ANKRD30BL: variants seen among roughly 807,000 people sequenced by gnomAD.
The protein encoded by ANKRD30BL is putative ankyrin repeat domain-containing protein 30B-like.
ANKRD30BL carries 20 observed loss-of-function variants against 18.4 expected under a neutral mutation model. The observed-to-expected ratio is 1.09, with a 90% confidence interval of 0.77 to 1.58. The LOEUF is 1.58. ANKRD30BL is among the 40% of genes most tolerant of loss of function. The pLI is 0.00. For missense variants in ANKRD30BL, 224 were observed against 268.6 expected, an observed-to-expected ratio of 0.83 and a Z score of 1.16; for synonymous variants, 72 against 100.9, an observed-to-expected ratio of 0.71 and a Z score of 1.72.
At chr2:132,189,914 G>A (rs10191359) in intron 1 of ANKRD30BL, among the ~76,000 whole-genome samples, 3,497 of 152,132 alleles carry the variant, frequency 0.023, 121 homozygotes, top group African/African-American at 0.08. Context: ...TGTATTATAT[G>A]TTACAATCTT....
intron 1 of ANKRD30BL, among the ~76,000 whole-genome samples, chr2:132,246,791 G>A (rs1429919895): frequency 1.3e-5 from 2 of 151,734 alleles, no homozygotes; most frequent in Non-Finnish European, 2.9e-5. Context: ...GAGGGCTATG[G>A]TGAAAAAGGA....
chr2:132,194,032 TTC>T (rs764528052), intron 1 of ANKRD30BL, among the ~76,000 whole-genome samples: 3,744 of 137,594 alleles, frequency 0.027, 134 homozygotes, highest in African/African-American at 0.089. Context: ...CAGAGATAAT[TTC>T]TCTCTCTCTC....
intron 1 of ANKRD30BL, among the ~76,000 whole-genome samples, chr2:132,228,119 T>C (rs963551123): frequency 1.3e-5 from 2 of 152,100 alleles, no homozygotes; most frequent in Non-Finnish European, 2.9e-5. Flanking sequence ...AGAAGCATTC[T>C]TAGAAACTTT....
intron 1 of ANKRD30BL, among the ~76,000 whole-genome samples, chr2:132,188,189 G>A (rs575057542): frequency 1.1e-4 from 16 of 151,708 alleles, no homozygotes; most frequent in African/African-American, 3.9e-4. Context: ...GAGGCATACT[G>A]TGAGCATCTA....
intron 1 of ANKRD30BL, among the ~76,000 whole-genome samples, chr2:132,226,879 A>G (rs78652228): frequency 6.6e-6 from 1 of 152,180 alleles, no homozygotes; most frequent in Non-Finnish European, 1.5e-5. Flanking sequence ...CATAAAATCT[A>G]GACAGAAGCA....
At chr2:132,151,601 CA>C (rs1687759167) in intron 4 of ANKRD30BL, among the ~76,000 whole-genome samples, 1 of 135,372 alleles carries the variant, frequency 7.4e-6, no homozygotes, top group African/African-American at 2.8e-5. Context: ...CATGTCTCAA[CA>C]AAAATTAAAT....
chr2:132,151,488 G>A (rs1687756025), intron 4 of ANKRD30BL, among the ~76,000 whole-genome samples: 2 of 151,932 alleles, frequency 1.3e-5, no homozygotes, highest in African/African-American at 2.4e-5. Flanking sequence ...ATATTGGCCT[G>A]GTGCAGTGGC....
At chr2:132,184,388 T>C (rs1198235574) in intron 1 of ANKRD30BL, among the ~76,000 whole-genome samples, 1 of 152,230 alleles carries the variant, frequency 6.6e-6, no homozygotes, top group Non-Finnish European at 1.5e-5. Flanking sequence ...GTAAAAGGCT[T>C]TGACTGAAGT....
At chr2:132,231,670 C>T (rs1372323426) in intron 1 of ANKRD30BL, among the ~76,000 whole-genome samples, 1 of 152,208 alleles carries the variant, frequency 6.6e-6, no homozygotes, top group African/African-American at 2.4e-5. Context: ...ATATCCCGCA[C>T]CTGGCTCGGA....
At chr2:132,252,753 G>C (rs74647033) in intron 1 of ANKRD30BL, among the ~76,000 whole-genome samples, 1 of 151,462 alleles carries the variant, frequency 6.6e-6, no homozygotes, top group African/African-American at 2.4e-5. Flanking sequence ...CACCGACGAC[G>C]TGAGACGACG....
At chr2:132,178,628 GTT>G (rs61018774) in intron 1 of ANKRD30BL, among the ~76,000 whole-genome samples, 3 of 150,024 alleles carry the variant, frequency 2.0e-5, no homozygotes, top group South Asian at 2.1e-4. Context: ...ATATTTTTAT[GTT>G]TTTTTTTTGA....
At chr2:132,165,957 G>C (rs1249910437), upstream of ANKRD30BL, among the ~76,000 whole-genome samples, 2 of 152,116 alleles carry the variant, frequency 1.3e-5, no homozygotes, top group Non-Finnish European at 2.9e-5. Flanking sequence ...TAGGGGTTTT[G>C]TAGATGTTCT....
intron 1 of ANKRD30BL, among the ~76,000 whole-genome samples, chr2:132,194,053 TCTCACA>T (rs766897232): frequency 8.3e-5 from 9 of 108,932 alleles, no homozygotes; most frequent in East Asian, 5.0e-4. Context: ...TCTCTCTCTC[TCTCACA>T]CACACACACA....
intron 1 of ANKRD30BL, among the ~76,000 whole-genome samples, chr2:132,250,933 T>C (rs1573896218): frequency 6.6e-6 from 1 of 152,146 alleles, no homozygotes; most frequent in Non-Finnish European, 1.5e-5. Flanking sequence ...ACAAAGTTAG[T>C]AACAAATAAA....
upstream of ANKRD30BL, among the ~76,000 whole-genome samples, chr2:132,163,978 G>A (rs188824051): frequency 1.2e-4 from 18 of 152,320 alleles, no homozygotes; most frequent in Admixed American, 2.6e-4. Context: ...ATGTGTGTAA[G>A]TGTTAGTTCA....
chr2:132,195,161 CA>C (rs1310306421), intron 1 of ANKRD30BL, among the ~76,000 whole-genome samples: 3 of 151,966 alleles, frequency 2.0e-5, no homozygotes, highest in Non-Finnish European at 4.4e-5. Context: ...ATTAATGATT[CA>C]ATATTTCTAT....
intron 1 of ANKRD30BL, among the ~76,000 whole-genome samples, chr2:132,187,191 T>G (rs1387229810): frequency 2.9e-5 from 4 of 135,944 alleles, no homozygotes; most frequent in Non-Finnish European, 4.7e-5. Context: ...TTTGTTTGTT[T>G]TTTTTTTTTT....
chr2:132,252,113 T>C (rs2104809731), intron 1 of ANKRD30BL, among the ~76,000 whole-genome samples: 1 of 148,364 alleles, frequency 6.7e-6, no homozygotes, highest in East Asian at 1.9e-4. Flanking sequence ...CTCCCTTTTA[T>C]TAAAACTGTA....
intron 1 of ANKRD30BL, among the ~76,000 whole-genome samples, chr2:132,202,048 A>T (rs1679109422): frequency 6.6e-6 from 1 of 152,164 alleles, no homozygotes; most frequent in Non-Finnish European, 1.5e-5. Context: ...AAGAACAAAA[A>T]ACCAAACACC....
Sources: allele counts gnomAD v4.1 joint callset (sites outside exome capture counted in the v4.1 genomes callset), GRCh38; gene constraint gnomAD v4.1.1; transcripts MANE v1.5; gene names NCBI Gene and HGNC (gene_info 2026-07-23, HGNC 2026-07-21).